FGF2: variants seen among roughly 807,000 people sequenced by gnomAD.
FGF2 encodes the protein fibroblast growth factor 2.
Under a neutral mutation model 15.9 loss-of-function variants are expected in FGF2, and 13 were observed. That is an observed-to-expected ratio of 0.82 (90% CI 0.53 to 1.30). The LOEUF is 1.30. FGF2 is among the 50% of genes most tolerant of loss of function. The pLI, the probability that FGF2 is intolerant of heterozygous loss-of-function variation, is 0.00. For synonymous variants in FGF2, 90 were observed against 78.4 expected, an observed-to-expected ratio of 1.15 and a Z score of -0.78; for missense variants, 163 against 196.9, an observed-to-expected ratio of 0.83 and a Z score of 1.03.
chr4:122,867,347 C>T (rs1358675638), intron 1 of FGF2, among the ~76,000 whole-genome samples: 1 of 152,066 alleles, frequency 6.6e-6, no homozygotes, highest in Non-Finnish European at 1.5e-5. Context: ...CCATGGGTAC[C>T]AACAGTTCAG....
intron 1 of FGF2, among the ~76,000 whole-genome samples, chr4:122,832,293 G>A (rs1460353265): frequency 1.3e-5 from 2 of 152,118 alleles, no homozygotes; most frequent in East Asian, 3.9e-4. Flanking sequence ...GTCTTACCCT[G>A]TCACCTAGGC....
chr4:122,832,115 T>C (rs563708393), intron 1 of FGF2, among the ~76,000 whole-genome samples: 23 of 152,280 alleles, frequency 1.5e-4, no homozygotes, highest in Non-Finnish European at 2.9e-4. Context: ...GTTTTTCCAA[T>C]TCTAGTGTTT....
intron 1 of FGF2, among the ~76,000 whole-genome samples, chr4:122,866,246 T>C (rs1025689991): frequency 6.6e-6 from 1 of 151,980 alleles, no homozygotes; most frequent in African/African-American, 2.4e-5. Context: ...CGGGCGCCTG[T>C]AGTCCCAACT....
intron 1 of FGF2, among the ~76,000 whole-genome samples, chr4:122,846,109 A>G (rs1250009331): frequency 6.6e-6 from 1 of 152,208 alleles, no homozygotes; most frequent in Admixed American, 6.5e-5. Flanking sequence ...GGAGGCCCTA[A>G]GAGTGGTGGA....
At chr4:122,880,408 G>T (rs574573574) in intron 2 of FGF2, among the ~76,000 whole-genome samples, 1 of 151,988 alleles carries the variant, frequency 6.6e-6, no homozygotes, top group East Asian at 1.9e-4. Flanking sequence ...CACCATGCCC[G>T]GCTAATTTTT....
chr4:122,879,528 G>T (rs1215193052), intron 2 of FGF2, among the ~76,000 whole-genome samples: 2 of 152,218 alleles, frequency 1.3e-5, no homozygotes, highest in Non-Finnish European at 2.9e-5. Context: ...GTCAGTGAAT[G>T]CCTTGAGATT....
chr4:122,834,062 G>T (rs1416523803), intron 1 of FGF2, among the ~76,000 whole-genome samples: 1 of 152,168 alleles, frequency 6.6e-6, no homozygotes, highest in Non-Finnish European at 1.5e-5. Context: ...TGGAGGGTGA[G>T]GGGTTATGGA....
intron 2 of FGF2, among the ~76,000 whole-genome samples, chr4:122,885,746 T>C (rs1727043350): frequency 6.6e-6 from 1 of 152,064 alleles, no homozygotes; most frequent in African/African-American, 2.4e-5. Context: ...TTTCCTAATA[T>C]TCTTTTTCTG....
chr4:122,882,996 A>G (rs923716944), intron 2 of FGF2: 1 of 152,228 alleles, frequency 6.6e-6, no homozygotes, highest in Non-Finnish European at 1.5e-5. Context: ...CAACAACAGC[A>G]GCTTTTGGTA....
At chr4:122,851,615 A>G (rs1705871411) in intron 1 of FGF2, among the ~76,000 whole-genome samples, 2 of 152,246 alleles carry the variant, frequency 1.3e-5, no homozygotes, top group African/African-American at 4.8e-5. Flanking sequence ...AATGACAAGC[A>G]GGAACTGACT....
rs780617782 is a variant in FGF2 at position 122,862,815 on chromosome 4, A to G, written c.179-13506A>G. Among the ~76,000 whole-genome samples, 13 of 152,202 alleles carry G rather than the reference A, an allele frequency of 8.5e-5. No homozygotes were observed. The East Asian group carries it at 1.5e-3, about 18-fold the overall frequency. On this transcript the variant is annotated intron_variant, in intron 1 of 2. Coordinates refer to ENST00000644866, the MANE Select transcript of FGF2 (RefSeq NM_001361665.2). ...AAATTGAATTTAAAGCTTGGATAAC[A>G]TACTATTTATTTGTCTAAGTTTAGG...
chr4:122,834,030 A>G (rs1388958878), intron 1 of FGF2, among the ~76,000 whole-genome samples: 3 of 152,196 alleles, frequency 2.0e-5, no homozygotes, highest in Non-Finnish European at 4.4e-5. Flanking sequence ...ACGCCCAGGA[A>G]AGATTAGGCT....
chr4:122,852,493 G>T (rs777204959), intron 1 of FGF2, among the ~76,000 whole-genome samples: 8 of 152,212 alleles, frequency 5.3e-5, no homozygotes, highest in Non-Finnish European at 1.2e-4. Flanking sequence ...ACTAGATTCA[G>T]TTTGGGAAGA....
chr4:122,894,238 C>T lies in FGF2; in HGVS notation c.*1842C>T, dbSNP rs1258003934. 1.3e-5 allele frequency: 2 copies of T among 152,170 alleles called. No individual in the cohort carries two copies. The highest frequency in any genetic ancestry group is 2.9e-5 in the Non-Finnish European group (2 of 68,044). The allele number at this position is 152,170 out of a possible 1,614,324, so 9.4% of individuals were successfully genotyped here. On this transcript the variant is annotated 3_prime_UTR_variant, in exon 3 of 3. Coordinates refer to ENST00000644866, the MANE Select transcript of FGF2 (RefSeq NM_001361665.2). ...CCATTTTTCAATTACATGCTGACTT[C>T]CCTTACAATTGAGATTTGCCCATAG... is the stretch of plus-strand genomic sequence containing the variant.
chr4:122,889,736 GTAAA>G (rs1727130718), intron 2 of FGF2, among the ~76,000 whole-genome samples: 4 of 151,920 alleles, frequency 2.6e-5, no homozygotes, highest in Admixed American at 2.6e-4. Flanking sequence ...AAATAAATAA[GTAAA>G]TTAATTAATT....
chr4:122,878,419 C>T (rs1329787655), intron 2 of FGF2, among the ~76,000 whole-genome samples: 1 of 152,046 alleles, frequency 6.6e-6, no homozygotes, highest in Non-Finnish European at 1.5e-5. Flanking sequence ...AAAAAATCTA[C>T]TTGATGTATC....
chr4:122,892,254 C>T lies in FGF2; in HGVS notation c.326C>T (p.Ser109Phe), dbSNP rs774476980. The T allele has an allele frequency of 1.2e-6, 2 of 1,613,650 alleles. No individual in the cohort carries two copies. Among genetic ancestry groups the T allele is most frequent in the East Asian group, 4.5e-5 (2 of 44,862 alleles). The change falls in exon 3 of 3, where the codon TCT becomes TTT. Residue 109 changes from serine to phenylalanine, a missense_variant. Physicochemically the swap from Ser to Phe is radical, Grantham distance 155. Coordinates refer to ENST00000644866, the MANE Select transcript of FGF2 (RefSeq NM_001361665.2). ...DECFFFERLE[S>F]NNYNTYRSRK... is the part of the protein sequence containing the mutation. The stretch of plus-strand genomic sequence containing the variant: ...TGTTTCTTTTTTGAACGATTGGAAT[C>T]TAATAACTACAATACTTACCGGTCA...
intron 1 of FGF2, among the ~76,000 whole-genome samples, chr4:122,873,515 T>C (rs1726779758): frequency 6.6e-6 from 1 of 152,226 alleles, no homozygotes; most frequent in Non-Finnish European, 1.5e-5. Context: ...AATAAAAGTT[T>C]CTTAAAAATT....
rs775137950 is a variant in FGF2, at chr4:122,826,918, G to A, written c.-257G>A. ...GCGGCTCTCCCCAGGCGGCGTCCGC[G>A]GAGACACCCATCCGTGAACCCCAGG... On this transcript the variant is annotated 5_prime_UTR_variant, in exon 1 of 3. Coordinates refer to ENST00000644866, the MANE Select transcript of FGF2 (RefSeq NM_001361665.2). 6.7e-7 allele frequency: 1 copy of A among 1,496,470 alleles called. No homozygotes were observed. Among genetic ancestry groups the A allele is most frequent in the African/African-American group, 1.4e-5 (1 of 69,774 alleles). 92.7% of individuals were successfully genotyped at this position (1,496,470 alleles called of 1,614,324 possible). A position where few individuals can be genotyped will look rare whatever the true frequency, so the allele number is the denominator to read the frequency against.
Sources: allele counts gnomAD v4.1 joint callset (sites outside exome capture counted in the v4.1 genomes callset), GRCh38; gene constraint gnomAD v4.1.1; transcripts MANE v1.5; gene names NCBI Gene and HGNC (gene_info 2026-07-23, HGNC 2026-07-21).